Variants in ANKRD18B observed in about 807,000 individuals in gnomAD.
The protein encoded by ANKRD18B is ankyrin repeat domain-containing protein 18B.
ANKRD18B carries 75 observed loss-of-function variants against 111.8 expected under a neutral mutation model. The observed-to-expected ratio is 0.67, with a 90% CI of 0.56 to 0.81. The LOEUF (loss-of-function observed/expected upper bound fraction) is 0.81, where lower values mean the gene tolerates loss of function less well. Among genes scored for constraint, ANKRD18B ranks in the 40% least tolerant of loss-of-function variants. ANKRD18B has a pLI of 0.00. For missense variants in ANKRD18B, 1,038 were observed against 1,225.5 expected, an observed-to-expected ratio of 0.85 and a Z score of 2.28; for synonymous variants, 356 against 417.3, an observed-to-expected ratio of 0.85 and a Z score of 1.79.
At chr9:33,530,400 G>GT (rs1417027212) in intron 3 of ANKRD18B, among the ~76,000 whole-genome samples, 1 of 152,102 alleles carries the variant, frequency 6.6e-6, no homozygotes, top group African/African-American at 2.4e-5. Flanking sequence ...GAGCCTAGGA[G>GT]TTTGAGTCCA....
At chr9:33,561,564 T>C (rs1329651794) in intron 14 of ANKRD18B, among the ~76,000 whole-genome samples, 1 of 152,208 alleles carries the variant, frequency 6.6e-6, no homozygotes, top group Non-Finnish European at 1.5e-5. Context: ...CATTTTTCCT[T>C]TGGAGTCATG....
chr9:33,557,651 G>A (rs1271110626), intron 13 of ANKRD18B, among the ~76,000 whole-genome samples: 2 of 152,084 alleles, frequency 1.3e-5, no homozygotes, highest in Admixed American at 6.6e-5. Context: ...GCCAAGCATG[G>A]TGGCACATGC....
chr9:33,567,054 T>C (rs1206538799), intron 15 of ANKRD18B, 49 bp from the exon 16 acceptor site: 4 of 1,484,160 alleles, frequency 2.7e-6, no homozygotes, highest in East Asian at 2.5e-5. Context: ...AAACATATGG[T>C]AATTAACTTA....
chr9:33,567,729 T>C (rs1339638809), intron 16 of ANKRD18B, among the ~76,000 whole-genome samples: 7 of 152,354 alleles, frequency 4.6e-5, no homozygotes, highest in Non-Finnish European at 1.0e-4. Flanking sequence ...ATACTGCTAC[T>C]CTGGGCACAT....
chr9:33,537,675 C>T (rs1056543324), intron 6 of ANKRD18B, among the ~76,000 whole-genome samples: 8 of 151,938 alleles, frequency 5.3e-5, no homozygotes, highest in Admixed American at 1.3e-4. Context: ...TTGAATATTG[C>T]GGGGGTTAGG....
At chr9:33,530,352 T>G (rs965660543) in intron 3 of ANKRD18B, among the ~76,000 whole-genome samples, 59 of 152,184 alleles carry the variant, frequency 3.9e-4, no homozygotes, top group South Asian at 1.5e-3. Context: ...GTTCCTGTAG[T>G]CCCAGCTACT....
chr9:33,529,678 A>G (rs1365576731), intron 3 of ANKRD18B, among the ~76,000 whole-genome samples: 1 of 152,222 alleles, frequency 6.6e-6, no homozygotes, highest in East Asian at 1.9e-4. Context: ...GAAAATGCCA[A>G]GAATAGGTTT....
intron 6 of ANKRD18B, among the ~76,000 whole-genome samples, chr9:33,537,672 T>C (rs1181527053): frequency 6.6e-6 from 1 of 152,206 alleles, no homozygotes; most frequent in Admixed American, 6.5e-5. Context: ...TTCTTGAATA[T>C]TGCGGGGGTT....
intron 9 of ANKRD18B, among the ~76,000 whole-genome samples, chr9:33,542,090 T>A (rs1015592366): frequency 2.0e-5 from 3 of 151,446 alleles, no homozygotes; most frequent in African/African-American, 7.3e-5. Context: ...AGAAAAGCCA[T>A]CCCTGACAGC....
rs1323049122 is a variant in ANKRD18B, at chr9:33,550,514, C to T, written c.2152C>T (p.His718Tyr). Reference sequence around the variant, plus strand: ...AGAGTCTCCACTGGAAGGTACATCACATTGTCATATTAATTTGGATGAGAC... The same window carrying T: ...AGAGTCTCCACTGGAAGGTACATCATATTGTCATATTAATTTGGATGAGAC... Reference protein sequence around the residue: ...MSESPLEGTSHCHINLDETWT... With the variant: ...MSESPLEGTSYCHINLDETWT... The change falls in exon 12 of 19, where the codon CAT becomes TAT. Residue 718 changes from histidine (H) to tyrosine (Y), a missense_variant. His to Tyr is a moderately conservative substitution (Grantham distance 83). Coordinates refer to ENST00000684830, the MANE Select transcript of ANKRD18B (RefSeq NM_001393611.1). 5 of 1,547,420 alleles carry T rather than the reference C, an allele frequency of 3.2e-6. No individual in the cohort carries two copies. In the Admixed American group the frequency reaches 5.9e-5, roughly 18 times the overall value.
At chr9:33,574,890 A>G (rs933314081), downstream of ANKRD18B, among the ~76,000 whole-genome samples, 2 of 152,140 alleles carry the variant, frequency 1.3e-5, no homozygotes, top group Non-Finnish European at 2.9e-5. Flanking sequence ...ACTCTTGCTG[A>G]GTCCCCATCG....
chr9:33,533,591 A>T, intron 4 of ANKRD18B, 46 bp downstream of exon 4: 1 of 1,507,148 alleles, frequency 6.6e-7, no homozygotes, highest in Non-Finnish European at 8.8e-7. Context: ...TAAAAACCTG[A>T]GTGTTCTAGA....
rs375342840 is a variant in ANKRD18B at position 33,546,808 on chromosome 9, TA to T, written c.1150-1129del. 2.6e-3 allele frequency among the ~76,000 whole-genome samples: 393 copies of T among 152,250 alleles called. 2 individuals carry two copies. Among genetic ancestry groups the T allele is most frequent in the Non-Finnish European group, 4.3e-3 (294 of 68,032 alleles). Reference sequence around the variant, plus strand: ...TCTTGGTTTTACTTCCATTATCAAGTAGATAATGGGGCTAGAGTGGACAGCT... The same window carrying T: ...TCTTGGTTTTACTTCCATTATCAAGTGATAATGGGGCTAGAGTGGACAGCT... On this transcript the variant is annotated intron_variant, in intron 10 of 18. Transcript: ENST00000684830.
intron 10 of ANKRD18B, among the ~76,000 whole-genome samples, chr9:33,546,941 C>A (rs1448985591): frequency 6.6e-6 from 1 of 152,136 alleles, no homozygotes; most frequent in Non-Finnish European, 1.5e-5. Context: ...TTTCACTCGG[C>A]TCCTTGTGTT....
At chr9:33,559,817 A>G (rs1441648472) in intron 14 of ANKRD18B, among the ~76,000 whole-genome samples, 1 of 152,228 alleles carries the variant, frequency 6.6e-6, no homozygotes, top group South Asian at 2.1e-4. Context: ...AGTAATTAAC[A>G]TACCATGCAA....
chr9:33,563,535 G>A (rs890965396), intron 14 of ANKRD18B, among the ~76,000 whole-genome samples: 1 of 150,998 alleles, frequency 6.6e-6, no homozygotes, highest in Non-Finnish European at 1.5e-5. Context: ...AGCAGTCTGA[G>A]ATAGGGAAGC....
chr9:33,565,690 C>T (rs550692618), intron 14 of ANKRD18B, among the ~76,000 whole-genome samples: 1 of 151,900 alleles, frequency 6.6e-6, no homozygotes, highest in Non-Finnish European at 1.5e-5. Context: ...TCTGGCTGAT[C>T]TCAAATTCCT....
chr9:33,570,978 TTATG>T (rs1240616004), intron 17 of ANKRD18B, among the ~76,000 whole-genome samples: 4 of 152,332 alleles, frequency 2.6e-5, no homozygotes, highest in South Asian at 2.1e-4. Context: ...CTTTCTAAAA[TTATG>T]TATATCCGAT....
intron 5 of ANKRD18B, among the ~76,000 whole-genome samples, chr9:33,536,142 A>G (rs186225257): frequency 6.6e-6 from 1 of 152,222 alleles, no homozygotes; most frequent in East Asian, 1.9e-4. Context: ...TTTGACACCT[A>G]TTAGTTTTCT....
Sources: gnomAD v4.1 joint callset for allele counts (sites outside exome capture counted in the v4.1 genomes callset) on GRCh38, gnomAD v4.1.1 for gene constraint, MANE v1.5 for transcripts, NCBI Gene and HGNC (gene_info 2026-07-23, HGNC 2026-07-21) for gene names.